C16orf89: variants seen among roughly 807,000 people sequenced by gnomAD.
The protein encoded by C16orf89 is UPF0764 protein C16orf89.
In C16orf89, 57 loss-of-function variants were observed where a neutral mutation model predicts 41.5. The ratio of observed to expected loss-of-function variants is 1.38; its 90% CI spans 1.11 to 1.71. C16orf89 has a LOEUF of 1.71. C16orf89 is among the 40% of genes most tolerant of loss of function. The probability of loss-of-function intolerance (pLI) is 0.00; values close to 1 mark genes in which losing one functional copy is unlikely to be tolerated. For missense variants in C16orf89, 575 were observed against 445.9 expected, an observed-to-expected ratio of 1.29 and a Z score of -2.61; for synonymous variants, 223 against 190.6, an observed-to-expected ratio of 1.17 and a Z score of -1.40.
At position 5,056,118 on chromosome 16, in the gene C16orf89, T is replaced by G. The variant is rs554986494; in HGVS notation, c.698A>C (p.Asp233Ala). 8.8e-6 allele frequency: 14 copies of G among 1,599,512 alleles called. No homozygotes were observed. Among genetic ancestry groups the G allele is most frequent in the African/African-American group, 1.3e-5 (1 of 74,616 alleles). The change falls in exon 5 of 8, where the codon GAC becomes GCC. Residue 233 changes from aspartate to alanine, a missense_variant. Asp to Ala is a moderately radical substitution (Grantham distance 126). Coordinates refer to ENST00000472572, the MANE Select transcript of C16orf89 (RefSeq NM_001098514.3). ...YINLFCANMM[D>A]LNRRAEAIGY... is the part of the protein sequence containing the mutation. Reference sequence around the variant, plus strand: ...GATGGCCTCAGCTCTGCGGTTCAAGTCCATCATGTTGGCGCAGAAGAGGTT... The same window carrying G: ...GATGGCCTCAGCTCTGCGGTTCAAGGCCATCATGTTGGCGCAGAAGAGGTT...
chr16:5,046,712 C>G (rs1477592198), intron 7 of C16orf89, among the ~76,000 whole-genome samples: 2 of 152,130 alleles, frequency 1.3e-5, no homozygotes, highest in African/African-American at 2.4e-5. Flanking sequence ...TGGTTCCTCC[C>G]TTCCTGTGTC....
In C16orf89 at chr16:5,062,344, G is replaced by A. The variant is rs565026781; in HGVS notation, c.358+81C>T. 7.0e-5 allele frequency: 103 copies of A among 1,466,434 alleles called. No individual in the cohort carries two copies. The Middle Eastern group carries it at 1.5e-3, about 21-fold the overall frequency. The allele number at this position is 1,466,434 out of a possible 1,614,324, so 90.8% of individuals were successfully genotyped here. ...CTGTCCCAGCCCAGCCTTGCCCCAGGAGAGCCCACGCTGGGTTATTTCAGT... is the reference window on the plus strand; with the variant it reads ...CTGTCCCAGCCCAGCCTTGCCCCAGAAGAGCCCACGCTGGGTTATTTCAGT... On this transcript the variant is annotated intron_variant, in intron 2 of 7. Transcript: ENST00000472572.
intron 5 of C16orf89, 121 bp from the exon 6 acceptor site, chr16:5,055,471 G>T: frequency 1.9e-6 from 2 of 1,038,508 alleles, no homozygotes; most frequent in Non-Finnish European, 2.8e-6. Context: ...GGAGGTGGGC[G>T]TTCAATGCAG....
intron 6 of C16orf89, among the ~76,000 whole-genome samples, chr16:5,051,727 A>G (rs1254711932): frequency 6.6e-6 from 1 of 152,238 alleles, no homozygotes; most frequent in East Asian, 1.9e-4. Context: ...GACCCCAAAT[A>G]GTGAAGCAAT....
intron 1 of C16orf89, among the ~76,000 whole-genome samples, chr16:5,063,707 T>C (rs993192488): frequency 6.6e-6 from 1 of 152,202 alleles, no homozygotes; most frequent in East Asian, 1.9e-4. Context: ...TAATGCCCGA[T>C]GATCTGAGAC....
At chr16:5,052,939 T>G (rs934401548) in intron 6 of C16orf89, among the ~76,000 whole-genome samples, 1 of 152,184 alleles carries the variant, frequency 6.6e-6, no homozygotes, top group African/African-American at 2.4e-5. Flanking sequence ...AAGTACTATT[T>G]CACCATAAAA....
At chr16:5,043,204 A>G (rs1348135491), downstream of C16orf89, 1 of 152,440 alleles carries the variant, frequency 6.6e-6, no homozygotes, top group Non-Finnish European at 1.5e-5. Context: ...AGCTGGGACT[A>G]CAGGTGTTCA....
intron 6 of C16orf89, among the ~76,000 whole-genome samples, chr16:5,051,504 T>G (rs965108422): frequency 6.6e-6 from 1 of 152,062 alleles, no homozygotes; most frequent in African/African-American, 2.4e-5. Context: ...AGGTGAAAGA[T>G]CTCTACAAGG....
chr16:5,061,264 G>GAAAA (rs60439270), intron 2 of C16orf89, among the ~76,000 whole-genome samples: 6 of 57,800 alleles, frequency 1.0e-4, no homozygotes, highest in Non-Finnish European at 1.5e-4. Flanking sequence ...TCCATCTCAA[G>GAAAA]AAAAAAAAAA....
chr16:5,055,561 C>T, intron 5 of C16orf89: 1 of 1,134,648 alleles, frequency 8.8e-7, no homozygotes, highest in South Asian at 1.6e-5. Flanking sequence ...CACTGAGGGC[C>T]TTGGTCAGGG....
chr16:5,050,842 A>C lies in C16orf89; in HGVS notation c.869-2878T>G, dbSNP rs375613397. ...TAATGAATGTTTTGCATTTTAAAAA[A>C]AATCATTCATCATGAACAAGGGGAC... On this transcript the variant is annotated intron_variant, in intron 6 of 7. Transcript: ENST00000472572. 5.3e-5 allele frequency among the ~76,000 whole-genome samples: 8 copies of C among 152,372 alleles called. No homozygotes were observed. In the East Asian group the frequency reaches 1.2e-3, roughly 22 times the overall value.
intron 7 of C16orf89, 114 bp from the exon 8 acceptor site, chr16:5,044,592 C>A (rs1956260122): frequency 1.3e-6 from 2 of 1,529,880 alleles, no homozygotes; most frequent in Admixed American, 2.0e-5. Context: ...CCTATAATCC[C>A]ACACTTTGGG....
At position 5,056,088 on chromosome 16, in the gene C16orf89, T is replaced by C; in HGVS notation, c.728A>G (p.Tyr243Cys). Residue 243 changes from tyrosine to cysteine, a missense_variant, in exon 5 of 8, where the codon TAC becomes TGC. Physicochemically the swap from Tyr to Cys is radical, Grantham distance 194. Transcript: ENST00000472572. ...DLNRRAEAIG[Y>C]AYPTRDIFME... ...GAAGATGTCCCGGGTAGGGTAGGCG[T>C]ATCCGATGGCCTCAGCTCTGCGGTT... 1 of 1,597,812 alleles carries C rather than the reference T, an allele frequency of 6.3e-7. No homozygotes were observed. Among genetic ancestry groups the C allele is most frequent in the Non-Finnish European group, 8.6e-7 (1 of 1,166,374 alleles).
chr16:5,051,297 G>A (rs1276363801), intron 6 of C16orf89, among the ~76,000 whole-genome samples: 1 of 152,100 alleles, frequency 6.6e-6, no homozygotes, highest in East Asian at 1.9e-4. Context: ...TGATAGACAG[G>A]AAACCCTAAA....
chr16:5,054,514 C>G (rs1285461078), intron 6 of C16orf89, among the ~76,000 whole-genome samples: 2 of 152,156 alleles, frequency 1.3e-5, no homozygotes, highest in Non-Finnish European at 1.5e-5. Flanking sequence ...AATTATTTCA[C>G]TTCTTGGTTT....
intron 6 of C16orf89, among the ~76,000 whole-genome samples, chr16:5,052,122 A>C (rs1175100441): frequency 1.4e-5 from 2 of 144,720 alleles, no homozygotes; most frequent in African/African-American, 5.1e-5. Context: ...AAAAAAAAAG[A>C]AGGAAAAAGA....
downstream of C16orf89, chr16:5,043,895 C>G (rs1374066614): frequency 6.4e-6 from 1 of 155,872 alleles, no homozygotes; most frequent in East Asian, 1.9e-4. Flanking sequence ...TGGCATACAC[C>G]TGTTGTCCCA....
At chr16:5,046,982 C>G (rs991750156) in intron 7 of C16orf89, among the ~76,000 whole-genome samples, 2 of 152,158 alleles carry the variant, frequency 1.3e-5, no homozygotes, top group African/African-American at 4.8e-5. Context: ...GGTCACTTGC[C>G]CATTCATTGG....
chr16:5,049,054 G>T (rs886590887), intron 6 of C16orf89, among the ~76,000 whole-genome samples: 3 of 152,168 alleles, frequency 2.0e-5, no homozygotes, highest in Admixed American at 6.5e-5. Flanking sequence ...AAACCAGAAG[G>T]AAGAAGGAGT....
Sources: allele counts gnomAD v4.1 joint callset (sites outside exome capture counted in the v4.1 genomes callset), GRCh38; gene constraint gnomAD v4.1.1; transcripts MANE v1.5; gene names NCBI Gene and HGNC (gene_info 2026-07-23, HGNC 2026-07-21).